Variants in MDM2 observed in about 807,000 individuals in gnomAD.
MDM2 encodes E3 ubiquitin-protein ligase Mdm2.
A neutral mutation model predicts 64.3 loss-of-function variants in MDM2; 11 were observed. The observed-to-expected ratio is 0.17, with a 90% CI of 0.11 to 0.28. The LOEUF (loss-of-function observed/expected upper bound fraction) is 0.28. Among genes scored for constraint, MDM2 ranks in the 10% least tolerant of loss-of-function variants. The pLI, the probability that MDM2 is intolerant of heterozygous loss-of-function variation, is 1.00. For missense variants in MDM2, 388 were observed against 577.1 expected (o/e 0.67, Z 3.36); for synonymous variants, 194 against 192.9 (o/e 1.01, Z -0.05).
At chr12:68,817,498 C>G (rs1565735143) in intron 4 of MDM2, among the ~76,000 whole-genome samples, 1 of 152,012 alleles carries the variant, frequency 6.6e-6, no homozygotes, top group African/African-American at 2.4e-5. Flanking sequence ...ACCTGTAATC[C>G]CAGCACTTTG....
chr12:68,820,742 CTTTT>C (rs1881773911), intron 5 of MDM2, among the ~76,000 whole-genome samples: 1 of 152,060 alleles, frequency 6.6e-6, no homozygotes, highest in Non-Finnish European at 1.5e-5. Flanking sequence ...AAGGATGAGT[CTTTT>C]TCTTTGGTTA....
At chr12:68,821,086 C>T (rs1217846425) in intron 5 of MDM2, among the ~76,000 whole-genome samples, 2 of 135,684 alleles carry the variant, frequency 1.5e-5, no homozygotes, top group East Asian at 4.3e-4. Context: ...CTTGCTCTGT[C>T]ACTCAGGCTG....
At chr12:68,819,367 A>G (rs1881658202) in intron 4 of MDM2, among the ~76,000 whole-genome samples, 1 of 152,226 alleles carries the variant, frequency 6.6e-6, no homozygotes, top group African/African-American at 2.4e-5. Context: ...ATGAGGGCAT[A>G]TACATTTCTG....
rs1408353156 is a variant in MDM2, at chr12:68,839,999, T to C, written c.*150T>C. On this transcript the variant is annotated 3_prime_UTR_variant, in exon 11 of 11. Transcript: ENST00000258149. ...TAGTATAATTGACCTACTTTGGTAG[T>C]GGAATAGTGAATACTTACTATAATT... 5 of 673,590 alleles carry C rather than the reference T, an allele frequency of 7.4e-6. No homozygotes were observed. The highest frequency in any genetic ancestry group is 2.2e-5 in the South Asian group (1 of 46,352). The allele number at this position is 673,590 out of a possible 1,614,324, so 41.7% of individuals were successfully genotyped here. A position where few individuals can be genotyped will look rare whatever the true frequency, so the allele number is the denominator to read the frequency against.
chr12:68,818,833 C>T (rs550575881), intron 4 of MDM2, among the ~76,000 whole-genome samples: 27 of 151,478 alleles, frequency 1.8e-4, no homozygotes, highest in African/African-American at 6.1e-4. Flanking sequence ...TGGGTTCAAG[C>T]GATTCTCTTG....
downstream of MDM2, chr12:68,849,092 C>CT: frequency 7.1e-6 from 1 of 140,904 alleles, no homozygotes; most frequent in Non-Finnish European, 1.5e-5. Context: ...AACGGTAGAC[C>CT]CTTTTTTTTT....
chr12:68,831,264 GA>G (rs1422285783), intron 8 of MDM2, among the ~76,000 whole-genome samples: 2 of 152,214 alleles, frequency 1.3e-5, no homozygotes, highest in African/African-American at 4.8e-5. Flanking sequence ...CAGACAGAGG[GA>G]GGGGGGCTCT....
intron 4 of MDM2, 21 bp from the exon 5 acceptor site, chr12:68,820,304 T>A (rs1430820155): frequency 1.3e-6 from 2 of 1,538,642 alleles, no homozygotes; most frequent in African/African-American, 2.8e-5. Context: ...TCTTGTTATT[T>A]TTTTTTTTTC....
intron 7 of MDM2, among the ~76,000 whole-genome samples, chr12:68,825,653 AAAAG>A (rs1298923109): frequency 1.4e-5 from 2 of 147,904 alleles, no homozygotes; most frequent in Non-Finnish European, 2.9e-5. Context: ...CTGTCTAAAA[AAAAG>A]AGAGAGAGAG....
At chr12:68,813,302 A>T (rs1442102340) in intron 2 of MDM2, among the ~76,000 whole-genome samples, 1 of 152,178 alleles carries the variant, frequency 6.6e-6, no homozygotes, top group African/African-American at 2.4e-5. Context: ...TCAGTAATTT[A>T]TGGTTGTTTG....
chr12:68,836,754 G>A lies in MDM2; in HGVS notation c.918+5G>A. 2.5e-6 allele frequency: 4 copies of A among 1,580,978 alleles called. No individual in the cohort carries two copies. Among genetic ancestry groups the A allele is most frequent in the South Asian group, 1.1e-5 (1 of 90,096 alleles). ...GATCCTGAAATTTCCTTAGCTGTAA[G>A]TATACATCTACTTTTTTAAGAAATA... On this transcript the variant is annotated splice_donor_5th_base_variant and intron_variant, in intron 10 of 10. Transcript: ENST00000258149.
intron 8 of MDM2, among the ~76,000 whole-genome samples, chr12:68,834,737 A>G (rs1045508126): frequency 6.6e-6 from 1 of 152,236 alleles, no homozygotes; most frequent in Non-Finnish European, 1.5e-5. Context: ...ATTCCATCTC[A>G]AAATAAATAA....
chr12:68,812,505 T>C (rs1294129722), intron 2 of MDM2, among the ~76,000 whole-genome samples: 2 of 152,192 alleles, frequency 1.3e-5, no homozygotes, highest in Admixed American at 6.5e-5. Context: ...TACATTCCCC[T>C]CCCCCATGAC....
At chr12:68,813,261 C>T (rs537566818) in intron 2 of MDM2, among the ~76,000 whole-genome samples, 1 of 152,290 alleles carries the variant, frequency 6.6e-6, no homozygotes, top group Admixed American at 6.5e-5. Context: ...GCAATAAGCT[C>T]GTTGGATCAG....
rs752277202 is a variant in MDM2 at position 68,842,258 on chromosome 12, A to G, written c.*2409A>G. 9 of 497,080 alleles carry G rather than the reference A, an allele frequency of 1.8e-5. No homozygotes were observed. Among genetic ancestry groups the G allele is most frequent in the Middle Eastern group, 3.0e-4 (1 of 3,316 alleles). 30.8% of individuals were successfully genotyped at this position (497,080 alleles called of 1,614,324 possible). ...ATGAACAAATTCAAGAAAAAGGACT[A>G]CGGAAAGTTCAGGACATCAAAGAAG... is the stretch of plus-strand genomic sequence containing the variant. On this transcript the variant is annotated 3_prime_UTR_variant, in exon 11 of 11. Transcript: ENST00000258149.
At position 68,839,406 on chromosome 12, in the gene MDM2, G is replaced by A. The variant is rs1360489429; in HGVS notation, c.1051G>A (p.Ala351Thr). 1.9e-6 allele frequency: 3 copies of A among 1,613,782 alleles called. No homozygotes were observed. The highest frequency in any genetic ancestry group is 2.5e-6 in the Non-Finnish European group (3 of 1,180,022). ...GKDKGEISEK[A>T]KLENSTQAEE... ...AGATAAAGGGGAAATCTCTGAGAAA[G>A]CCAAACTGGAAAACTCAACACAAGC... Residue 351 changes from alanine (A) to threonine (T), a missense_variant, in exon 11 of 11, where the codon GCC becomes ACC. Transcript: ENST00000258149.
At chr12:68,811,497 T>C (rs1182180445) in intron 2 of MDM2, among the ~76,000 whole-genome samples, 1 of 152,170 alleles carries the variant, frequency 6.6e-6, no homozygotes, top group Non-Finnish European at 1.5e-5. Flanking sequence ...ATTTACCTTC[T>C]TGTTCTTCAA....
At chr12:68,820,236 T>C (rs1881727462) in intron 4 of MDM2, 89 bp from the exon 5 acceptor site, 2 of 924,398 alleles carry the variant, frequency 2.2e-6, no homozygotes, top group Non-Finnish European at 3.4e-6. Context: ...ACTAAGTATG[T>C]ATGTAGAAGT....
intron 8 of MDM2, among the ~76,000 whole-genome samples, chr12:68,833,312 A>AATATATTTATATAAATATAAATAT (rs1470389579): frequency 1.6e-5 from 1 of 62,056 alleles, no homozygotes; most frequent in Non-Finnish European, 3.3e-5. Flanking sequence ...TAAATATAAA[A>AATATATTTATATAAATATAAATAT]ATATAATTAT....
Sources: gnomAD v4.1 joint callset for allele counts (sites outside exome capture counted in the v4.1 genomes callset) on GRCh38, gnomAD v4.1.1 for gene constraint, MANE v1.5 for transcripts, NCBI Gene and HGNC (gene_info 2026-07-23, HGNC 2026-07-21) for gene names.